Variants in EDIL3 observed in about 807,000 individuals in gnomAD.
EDIL3 encodes EGF-like repeat and discoidin I-like domain-containing protein 3.
A neutral mutation model predicts 67.4 loss-of-function variants in EDIL3; 37 were observed. The observed-to-expected ratio is 0.55, with a 90% CI of 0.42 to 0.72. The LOEUF (loss-of-function observed/expected upper bound fraction) is 0.72. Ranked by LOEUF, EDIL3 falls within the 30% of genes least tolerant of loss-of-function variation. The probability of loss-of-function intolerance (pLI) is 0.00; values close to 1 mark genes in which losing one functional copy is unlikely to be tolerated. For synonymous variants in EDIL3, 195 were observed against 196.3 expected (o/e 0.99, Z 0.05); for missense variants, 527 against 586.3 (o/e 0.90, Z 1.04).
At chr5:84,296,425 C>T (rs1746051612) in intron 1 of EDIL3, among the ~76,000 whole-genome samples, 1 of 151,854 alleles carries the variant, frequency 6.6e-6, no homozygotes, top group Non-Finnish European at 1.5e-5. Flanking sequence ...ACATACTCAG[C>T]AAATATTAAA....
At chr5:84,098,659 T>A (rs997217947) in intron 6 of EDIL3, among the ~76,000 whole-genome samples, 1 of 152,144 alleles carries the variant, frequency 6.6e-6, no homozygotes, top group Admixed American at 6.6e-5. Context: ...TACTCCTGAA[T>A]GACTTTTGGG....
chr5:84,083,795 G>T (rs1162378588), intron 6 of EDIL3, among the ~76,000 whole-genome samples: 1 of 152,112 alleles, frequency 6.6e-6, no homozygotes, highest in East Asian at 1.9e-4. Flanking sequence ...AAATATAGAA[G>T]AAAGATGAGT....
At chr5:84,007,351 G>GA (rs983383903) in intron 9 of EDIL3, among the ~76,000 whole-genome samples, 1 of 151,994 alleles carries the variant, frequency 6.6e-6, no homozygotes. Flanking sequence ...ACAGAATGGG[G>GA]AAAAAAATAG....
chr5:84,174,755 C>T (rs745886538), intron 4 of EDIL3, among the ~76,000 whole-genome samples: 5 of 152,216 alleles, frequency 3.3e-5, no homozygotes, highest in Middle Eastern at 3.4e-3. Flanking sequence ...ATGGGCCTGC[C>T]GTGGCATGTA....
At chr5:84,115,885 A>C (rs1440409234) in intron 5 of EDIL3, among the ~76,000 whole-genome samples, 2 of 152,348 alleles carry the variant, frequency 1.3e-5, no homozygotes, top group East Asian at 3.9e-4. Flanking sequence ...GTCAAATACA[A>C]AATGTAAACA....
chr5:84,130,034 C>A (rs1263440489), intron 5 of EDIL3, among the ~76,000 whole-genome samples: 1 of 152,086 alleles, frequency 6.6e-6, no homozygotes, highest in Admixed American at 6.6e-5. Flanking sequence ...CTTGAGGATT[C>A]TCAAAGGATC....
At chr5:84,140,759 T>G (rs1748174574) in intron 4 of EDIL3, among the ~76,000 whole-genome samples, 1 of 152,162 alleles carries the variant, frequency 6.6e-6, no homozygotes, top group South Asian at 2.1e-4. Context: ...AAAATATACA[T>G]GTTATCTTAA....
intron 4 of EDIL3, among the ~76,000 whole-genome samples, chr5:84,162,796 C>A (rs886138634): frequency 6.6e-6 from 1 of 152,100 alleles, no homozygotes; most frequent in Non-Finnish European, 1.5e-5. Flanking sequence ...ATTCCCCATA[C>A]CTTTCTCTGT....
intron 6 of EDIL3, among the ~76,000 whole-genome samples, chr5:84,080,307 A>AAAAAAAAAAC (rs2112257313): frequency 6.7e-6 from 1 of 149,164 alleles, no homozygotes; most frequent in Non-Finnish European, 1.5e-5. Flanking sequence ...TCAAAAAAAA[A>AAAAAAAAAAC]AAAAAAAAAT....
At chr5:84,028,544 G>A (rs1745858628) in intron 9 of EDIL3, among the ~76,000 whole-genome samples, 1 of 151,890 alleles carries the variant, frequency 6.6e-6, no homozygotes, top group Admixed American at 6.6e-5. Flanking sequence ...AGACTATTCT[G>A]AAAATTAAGT....
At chr5:84,267,419 T>A (rs142824854) in intron 1 of EDIL3, among the ~76,000 whole-genome samples, 127 of 152,304 alleles carry the variant, frequency 8.3e-4, no homozygotes, top group African/African-American at 2.9e-3. Context: ...TGGGTAATGC[T>A]TAGTGTTTCT....
chr5:84,226,511 T>C (rs1744455492), intron 3 of EDIL3, among the ~76,000 whole-genome samples: 1 of 151,782 alleles, frequency 6.6e-6, no homozygotes, highest in South Asian at 2.1e-4. Context: ...ATTATTCGTA[T>C]TCCTTATGAA....
intron 10 of EDIL3, among the ~76,000 whole-genome samples, chr5:83,949,759 G>A (rs1173061472): frequency 2.0e-5 from 3 of 151,810 alleles, no homozygotes; most frequent in Non-Finnish European, 2.9e-5. Context: ...TGTAATACGA[G>A]TGTGCAGTAG....
intron 10 of EDIL3, among the ~76,000 whole-genome samples, chr5:83,950,209 C>A (rs1744394049): frequency 6.6e-6 from 1 of 151,842 alleles, no homozygotes; most frequent in African/African-American, 2.4e-5. Flanking sequence ...CATATCCTTT[C>A]ATCGTGATAA....
At chr5:84,080,368 C>T (rs945129434) in intron 6 of EDIL3, among the ~76,000 whole-genome samples, 2 of 150,768 alleles carry the variant, frequency 1.3e-5, no homozygotes, top group African/African-American at 4.9e-5. Context: ...TCTCTTAAAC[C>T]ACCTCCAAAT....
intron 4 of EDIL3, among the ~76,000 whole-genome samples, chr5:84,150,897 T>C (rs1748377754): frequency 6.6e-6 from 1 of 152,250 alleles, no homozygotes; most frequent in South Asian, 2.1e-4. Flanking sequence ...ATAGTTATGC[T>C]GAGTGAAATA....
intron 6 of EDIL3, among the ~76,000 whole-genome samples, chr5:84,086,297 G>A (rs1234016005): frequency 2.6e-5 from 4 of 152,190 alleles, no homozygotes; most frequent in Non-Finnish European, 5.9e-5. Context: ...GGTGGTGTAG[G>A]CTCATGAGGG....
At chr5:83,946,703 C>G (rs977831527) in intron 10 of EDIL3, among the ~76,000 whole-genome samples, 1 of 151,844 alleles carries the variant, frequency 6.6e-6, no homozygotes, top group Non-Finnish European at 1.5e-5. Flanking sequence ...AATAGGAGGC[C>G]TCCAGGGATC....
chr5:84,087,946 T>C (rs946624575), intron 6 of EDIL3, among the ~76,000 whole-genome samples: 4 of 152,090 alleles, frequency 2.6e-5, no homozygotes, highest in African/African-American at 7.2e-5. Flanking sequence ...TTTCTAAGCA[T>C]GGAAAAAAAG....
Sources: gnomAD v4.1 joint callset for allele counts (sites outside exome capture counted in the v4.1 genomes callset) on GRCh38, gnomAD v4.1.1 for gene constraint, MANE v1.5 for transcripts, NCBI Gene and HGNC (gene_info 2026-07-23, HGNC 2026-07-21) for gene names.